Variants in CPA6 observed in about 807,000 individuals in gnomAD.
CPA6 encodes carboxypeptidase A6, also known as carboxypeptidase B.
Under a neutral mutation model 63.3 loss-of-function variants are expected in CPA6, and 58 were observed. That is an observed-to-expected ratio of 0.92 (90% CI 0.74 to 1.14). CPA6 has a LOEUF of 1.14. CPA6 is among the 50% of genes most tolerant of loss of function. CPA6 has a pLI of 0.00. For synonymous variants in CPA6, 185 were observed against 179.0 expected, an observed-to-expected ratio of 1.03 and a Z score of -0.27; for missense variants, 565 against 526.6, an observed-to-expected ratio of 1.07 and a Z score of -0.71.
At chr8:67,680,956 A>T (rs975180114) in intron 1 of CPA6, among the ~76,000 whole-genome samples, 4 of 151,980 alleles carry the variant, frequency 2.6e-5, no homozygotes, top group African/African-American at 4.8e-5. Flanking sequence ...GGCTGGATTG[A>T]ATGTTTTCTT....
At chr8:67,486,632 C>T (rs1026378979) in intron 6 of CPA6, among the ~76,000 whole-genome samples, 2 of 152,086 alleles carry the variant, frequency 1.3e-5, no homozygotes, top group Non-Finnish European at 2.9e-5. Flanking sequence ...TCTGGTTTTG[C>T]TACAAGGGTT....
intron 1 of CPA6, among the ~76,000 whole-genome samples, chr8:67,674,083 T>C (rs2128994876): frequency 6.6e-6 from 1 of 152,316 alleles, no homozygotes; most frequent in Admixed American, 6.5e-5. Context: ...ATTCTCTCCA[T>C]TCTACAGTTG....
chr8:67,607,250 T>TTCTTCTTCTTCTTCTTCC (rs1564021543), intron 2 of CPA6, among the ~76,000 whole-genome samples: 2 of 131,824 alleles, frequency 1.5e-5, no homozygotes, highest in Non-Finnish European at 3.2e-5. Context: ...CTTCTTCTTC[T>TTCTTCTTCTTCTTCTTCC]TCTCCTCCTC....
At chr8:67,725,493 A>G (rs1393406691) in intron 1 of CPA6, among the ~76,000 whole-genome samples, 1 of 152,174 alleles carries the variant, frequency 6.6e-6, no homozygotes, top group Non-Finnish European at 1.5e-5. Context: ...GTCATTTTAC[A>G]TCTACATTGT....
intron 2 of CPA6, among the ~76,000 whole-genome samples, chr8:67,560,359 C>T (rs1048802258): frequency 5.9e-5 from 9 of 152,022 alleles, no homozygotes; most frequent in African/African-American, 2.2e-4. Flanking sequence ...AAAGCTACAC[C>T]TTCTCAAACT....
chr8:67,548,109 T>TTCCC (rs1292599015), intron 2 of CPA6, among the ~76,000 whole-genome samples: 7 of 103,678 alleles, frequency 6.8e-5, no homozygotes, highest in Non-Finnish European at 1.2e-4. Flanking sequence ...CTTTCCTTCC[T>TTCCC]TCCCTCCCTC....
chr8:67,668,507 T>C (rs1041744267), intron 1 of CPA6, among the ~76,000 whole-genome samples: 5 of 152,234 alleles, frequency 3.3e-5, no homozygotes, highest in African/African-American at 1.2e-4. Flanking sequence ...GCCAGCTCTT[T>C]CTTCATAGTT....
At chr8:67,576,636 C>A (rs576425680) in intron 2 of CPA6, among the ~76,000 whole-genome samples, 12 of 152,278 alleles carry the variant, frequency 7.9e-5, no homozygotes, top group Admixed American at 6.5e-4. Context: ...CTTTTTCTTA[C>A]AATTATACAT....
chr8:67,675,902 TATTC>T (rs766983933), intron 1 of CPA6, among the ~76,000 whole-genome samples: 3 of 152,200 alleles, frequency 2.0e-5, no homozygotes, highest in Non-Finnish European at 4.4e-5. Flanking sequence ...GTGCTGTGAC[TATTC>T]ACAGGTGTGA....
chr8:67,631,882 G>A (rs969878421), intron 1 of CPA6, among the ~76,000 whole-genome samples: 2 of 152,090 alleles, frequency 1.3e-5, no homozygotes, highest in African/African-American at 4.8e-5. Flanking sequence ...AAGGTCTGCA[G>A]CTTCACTCCT....
Position 67,588,238 on chromosome 8 carries a change from T to A in CPA6, c.192+35938A>T, listed in dbSNP as rs1814000620. Reference sequence around the variant, plus strand: ...GTTTAACATTATGGATTATTTTTATTTGTTTTAGTACAAGGTGAATTAGTC... The same window carrying A: ...GTTTAACATTATGGATTATTTTTATATGTTTTAGTACAAGGTGAATTAGTC... On this transcript the variant is annotated intron_variant, in intron 2 of 10. Transcript: ENST00000297770. Among the ~76,000 whole-genome samples, 4 of 152,146 alleles carry A rather than the reference T, an allele frequency of 2.6e-5. 1 individual carries two copies. The South Asian group carries it at 8.3e-4, about 32-fold the overall frequency.
intron 2 of CPA6, among the ~76,000 whole-genome samples, chr8:67,592,284 T>C (rs1036187929): frequency 6.6e-6 from 1 of 152,244 alleles, no homozygotes; most frequent in African/African-American, 2.4e-5. Context: ...CTGGATTCCG[T>C]TTGCCAGTAT....
chr8:67,678,396 T>C (rs1816524702), intron 1 of CPA6, among the ~76,000 whole-genome samples: 1 of 152,150 alleles, frequency 6.6e-6, no homozygotes, highest in African/African-American at 2.4e-5. Context: ...CGAGGCCTGA[T>C]ATCCAAAATA....
chr8:67,607,239 TCTTCTTCTTCTTCTC>T (rs1564021460), intron 2 of CPA6, among the ~76,000 whole-genome samples: 9 of 107,082 alleles, frequency 8.4e-5, no homozygotes, highest in Non-Finnish European at 1.3e-4. Flanking sequence ...TTCTTCTTCT[TCTTCTTCTTCTTCTC>T]CTCCTCCTCC....
At chr8:67,508,521 T>G (rs986486229) in intron 5 of CPA6, among the ~76,000 whole-genome samples, 23 of 152,110 alleles carry the variant, frequency 1.5e-4, no homozygotes, top group African/African-American at 5.5e-4. Context: ...GTCTGTGGTA[T>G]GAAAGTAAGG....
Position 67,632,287 on chromosome 8 carries a change from C to A in CPA6, c.117-8036G>T, listed in dbSNP as rs151097550. On this transcript the variant is annotated intron_variant, in intron 1 of 10. Coordinates refer to ENST00000297770, the MANE Select transcript of CPA6 (RefSeq NM_020361.5). Reference sequence around the variant, plus strand: ...GTGAGCTCAAGTGATCCTCCTACCTCAGCCTTCCAAGTAGCTGGGACTGCA... The same window carrying A: ...GTGAGCTCAAGTGATCCTCCTACCTAAGCCTTCCAAGTAGCTGGGACTGCA... Among the ~76,000 whole-genome samples the A allele has an allele frequency of 9.3e-4, 142 of 152,096 alleles. 3 individuals carry two copies. The East Asian group carries it at 0.023, about 25-fold the overall frequency.
intron 1 of CPA6, among the ~76,000 whole-genome samples, chr8:67,687,380 T>A (rs1392265060): frequency 6.6e-6 from 1 of 152,180 alleles, no homozygotes; most frequent in Non-Finnish European, 1.5e-5. Context: ...TTATCTGATG[T>A]ACCAAGAGCA....
At chr8:67,436,545 T>C (rs375754126) in intron 8 of CPA6, among the ~76,000 whole-genome samples, 10 of 152,328 alleles carry the variant, frequency 6.6e-5, no homozygotes, top group African/African-American at 2.4e-4. Context: ...TTCACCAATT[T>C]CTATTATGCT....
chr8:67,510,106 G>A (rs1184965134), intron 4 of CPA6, among the ~76,000 whole-genome samples: 1 of 152,004 alleles, frequency 6.6e-6, no homozygotes, highest in African/African-American at 2.4e-5. Flanking sequence ...CCATTTAAAG[G>A]TTCTTTTACT....
Sources: gnomAD v4.1 joint callset for allele counts (sites outside exome capture counted in the v4.1 genomes callset) on GRCh38, gnomAD v4.1.1 for gene constraint, MANE v1.5 for transcripts, NCBI Gene and HGNC (gene_info 2026-07-23, HGNC 2026-07-21) for gene names.